The following TMEM132D variants were observed in gnomAD, a reference collection of about 807,000 sequenced individuals.
TMEM132D encodes mature OL transmembrane protein.
In TMEM132D, 21 loss-of-function variants were observed where a neutral mutation model predicts 62.3. The ratio of observed to expected loss-of-function variants is 0.34; its 90% CI spans 0.24 to 0.49. TMEM132D has a LOEUF of 0.49. Ranked by LOEUF, TMEM132D falls within the 20% of genes least tolerant of loss-of-function variation. The probability of loss-of-function intolerance (pLI) is 0.99; values close to 1 mark genes in which losing one functional copy is unlikely to be tolerated. For synonymous variants in TMEM132D, 621 were observed against 575.6 expected (o/e 1.08, Z -1.13); for missense variants, 1,346 against 1,402.8 (o/e 0.96, Z 0.65).
At chr12:129,712,346 G>A (rs1326567725) in intron 1 of TMEM132D, among the ~76,000 whole-genome samples, 2 of 152,076 alleles carry the variant, frequency 1.3e-5, no homozygotes, top group East Asian at 1.9e-4. Flanking sequence ...GGATGGTCTC[G>A]ATCTCCTGAG....
chr12:129,170,663 A>G (rs1877693906), intron 5 of TMEM132D, among the ~76,000 whole-genome samples: 1 of 152,102 alleles, frequency 6.6e-6, no homozygotes, highest in African/African-American at 2.4e-5. Context: ...AGTCTCTACT[A>G]AAAATACAAA....
intron 4 of TMEM132D, among the ~76,000 whole-genome samples, chr12:129,265,670 GCTC>G (rs1266602504): frequency 1.3e-5 from 2 of 152,044 alleles, no homozygotes; most frequent in Admixed American, 6.6e-5. Flanking sequence ...CCTGCTTGGG[GCTC>G]CTCAACACCC....
At chr12:129,815,909 G>T (rs1206679676) in intron 1 of TMEM132D, among the ~76,000 whole-genome samples, 2 of 152,232 alleles carry the variant, frequency 1.3e-5, no homozygotes. Flanking sequence ...GGAAGGCTTA[G>T]TTCTTCATCT....
Position 129,815,609 on chromosome 12 carries a change from C to T in TMEM132D, c.79+87652G>A, listed in dbSNP as rs1326199999. 7.2e-5 allele frequency among the ~76,000 whole-genome samples: 11 copies of T among 152,286 alleles called. No individual in the cohort carries two copies. The East Asian group carries it at 1.5e-3, about 21-fold the overall frequency. The stretch of plus-strand genomic sequence containing the variant: ...AAGCACATCTTTTCAATTAGATGCA[C>T]GTGCAACAGATGTCAAGGACTTAAT... On this transcript the variant is annotated intron_variant, in intron 1 of 8. Transcript: ENST00000422113.
At chr12:129,576,319 G>T (rs1411567916) in intron 2 of TMEM132D, among the ~76,000 whole-genome samples, 1 of 151,604 alleles carries the variant, frequency 6.6e-6, no homozygotes, top group African/African-American at 2.4e-5. Context: ...TAATTATCTG[G>T]ATTTGTAATT....
intron 4 of TMEM132D, among the ~76,000 whole-genome samples, chr12:129,263,389 C>G (rs1447790794): frequency 6.6e-6 from 1 of 152,138 alleles, no homozygotes; most frequent in Non-Finnish European, 1.5e-5. Context: ...CAAATGCTAT[C>G]TTATCTCTAT....
intron 5 of TMEM132D, among the ~76,000 whole-genome samples, chr12:129,174,033 C>T (rs374044740): frequency 5.9e-5 from 9 of 152,276 alleles, no homozygotes; most frequent in Admixed American, 2.6e-4. Context: ...CCAGAACAAA[C>T]GTAGCCTGGT....
chr12:129,411,617 A>G (rs1871969634), intron 3 of TMEM132D, among the ~76,000 whole-genome samples: 1 of 152,146 alleles, frequency 6.6e-6, no homozygotes, highest in Non-Finnish European at 1.5e-5. Context: ...CGCCTCCCAA[A>G]GTATTGGGAT....
chr12:129,279,915 T>C (rs1382285989), intron 4 of TMEM132D, among the ~76,000 whole-genome samples: 2 of 152,242 alleles, frequency 1.3e-5, no homozygotes, highest in Non-Finnish European at 2.9e-5. Flanking sequence ...GAATTAATTT[T>C]CTTGGTGTTA....
intron 1 of TMEM132D, among the ~76,000 whole-genome samples, chr12:129,724,257 T>C (rs1318553244): frequency 1.3e-5 from 2 of 152,202 alleles, no homozygotes; most frequent in Non-Finnish European, 2.9e-5. Context: ...CTATCCTTGA[T>C]GACGAAGGTT....
intron 5 of TMEM132D, among the ~76,000 whole-genome samples, chr12:129,151,709 G>A (rs1877077644): frequency 3.3e-5 from 5 of 152,086 alleles, no homozygotes; most frequent in Admixed American, 3.3e-4. Flanking sequence ...TCATTACCCG[G>A]CAGCTAAAAG....
intron 4 of TMEM132D, among the ~76,000 whole-genome samples, chr12:129,303,049 G>A (rs1881762038): frequency 1.3e-5 from 2 of 152,126 alleles, no homozygotes; most frequent in Non-Finnish European, 2.9e-5. Context: ...CTCCCCACAT[G>A]TGTTCAATCC....
chr12:129,839,095 C>T (rs539977927), intron 1 of TMEM132D, among the ~76,000 whole-genome samples: 10 of 128,530 alleles, frequency 7.8e-5, no homozygotes, highest in Non-Finnish European at 1.2e-4. Flanking sequence ...GGATTACAGG[C>T]GTCCACCACC....
intron 4 of TMEM132D, 107 bp downstream of exon 4, chr12:129,337,527 T>C: frequency 7.3e-7 from 1 of 1,368,226 alleles, no homozygotes; most frequent in Non-Finnish European, 1.0e-6. Context: ...ACTGTCCTGA[T>C]TCTTGGCTCC....
chr12:129,606,257 A>AG (rs1407573790), intron 2 of TMEM132D, among the ~76,000 whole-genome samples: 1 of 152,082 alleles, frequency 6.6e-6, no homozygotes, highest in Admixed American at 6.6e-5. Flanking sequence ...AAAGCTTCAA[A>AG]GGGGCTTGGG....
Position 129,082,050 on chromosome 12 carries a change from C to T in TMEM132D, c.1650-18G>A, listed in dbSNP as rs2135616951. The stretch of plus-strand genomic sequence containing the variant: ...CGGCAGGCCTGTGAAAGAAGCAGTG[C>T]AGTTTGCAGACAGTTACTTGTTGGT... On this transcript the variant is annotated intron_variant, in intron 6 of 8. Coordinates refer to ENST00000422113, the MANE Select transcript of TMEM132D (RefSeq NM_133448.3). 3 of 1,585,360 alleles carry T rather than the reference C, an allele frequency of 1.9e-6. No homozygotes were observed. Among genetic ancestry groups the T allele is most frequent in the Non-Finnish European group, 2.6e-6 (3 of 1,163,524 alleles).
rs147208316 is a variant in TMEM132D at position 129,353,442 on chromosome 12, C to T, written c.1116-15625G>A. Among the ~76,000 whole-genome samples the T allele has an allele frequency of 5.9e-5, 9 of 152,208 alleles. No homozygotes were observed. In the East Asian group the frequency reaches 9.7e-4, roughly 16 times the overall value. On this transcript the variant is annotated intron_variant, in intron 3 of 8. Transcript: ENST00000422113. ...ACCCAAACTGTTCAAACATCACTTC[C>T]GAACAGTTTGGATTCAGAAACAAGA...
At chr12:129,304,539 C>G (rs1485604598) in intron 4 of TMEM132D, among the ~76,000 whole-genome samples, 1 of 152,030 alleles carries the variant, frequency 6.6e-6, no homozygotes, top group East Asian at 1.9e-4. Context: ...ATCCTGGTGT[C>G]ACCATGCAAA....
chr12:129,872,612 G>T (rs190536628), intron 1 of TMEM132D, among the ~76,000 whole-genome samples: 1 of 152,370 alleles, frequency 6.6e-6, no homozygotes, highest in Non-Finnish European at 1.5e-5. Flanking sequence ...GAGTCATGTT[G>T]TTGGGGTCTG....
Sources: allele counts gnomAD v4.1 joint callset (sites outside exome capture counted in the v4.1 genomes callset), GRCh38; gene constraint gnomAD v4.1.1; transcripts MANE v1.5; gene names NCBI Gene and HGNC (gene_info 2026-07-23, HGNC 2026-07-21).